The following SPTB variants were observed in gnomAD, a reference collection of about 807,000 sequenced individuals.
SPTB encodes spectrin beta, erythrocytic.
SPTB carries 45 observed loss-of-function variants against 256.2 expected under a neutral mutation model. The observed-to-expected ratio is 0.18, with a 90% CI of 0.14 to 0.23. The LOEUF is 0.23. Among genes scored for constraint, SPTB ranks in the 10% least tolerant of loss-of-function variants. The pLI, the probability that SPTB is intolerant of heterozygous loss-of-function variation, is 1.00. For missense variants in SPTB, 2,715 were observed against 3,040.4 expected (o/e 0.89, Z 2.52); for synonymous variants, 1,231 against 1,243.1 (o/e 0.99, Z 0.21).
At chr14:64,797,391 C>T (rs1245775218) in intron 10 of SPTB, among the ~76,000 whole-genome samples, 1 of 139,494 alleles carries the variant, frequency 7.2e-6, no homozygotes, top group Non-Finnish European at 1.5e-5. Context: ...CACTTGAGCC[C>T]AGGAGGACGA....
Position 64,859,233 on chromosome 14 carries a change from G to A in SPTB, c.-52+20559C>T, listed in dbSNP as rs116941579. On this transcript the variant is annotated intron_variant, in intron 1 of 35. Transcript: ENST00000644917. ...CGCACCACTACACTCTAGTCTGGGC[G>A]ACAGAGCGAGACTCCGTCTCAGAAG... Among the ~76,000 whole-genome samples the A allele has an allele frequency of 2.6e-3, 398 of 152,284 alleles. 11 individuals are homozygous for A. The East Asian group carries it at 0.062, about 24-fold the overall frequency.
chr14:64,808,342 C>T (rs149100562), intron 2 of SPTB, among the ~76,000 whole-genome samples: 6 of 152,144 alleles, frequency 3.9e-5, no homozygotes, highest in Non-Finnish European at 7.4e-5. Context: ...CTTTCCTTCC[C>T]GGGTTGTGGC....
chr14:64,804,269 C>G (rs1031238478), intron 3 of SPTB, among the ~76,000 whole-genome samples: 2 of 152,196 alleles, frequency 1.3e-5, no homozygotes, highest in Non-Finnish European at 2.9e-5. Flanking sequence ...AATTTCAATG[C>G]AGGGTGAGAG....
chr14:64,766,492 G>A, intron 32 of SPTB: 3 of 1,444,492 alleles, frequency 2.1e-6, no homozygotes, highest in Non-Finnish European at 2.7e-6. Flanking sequence ...TCACTGGGCT[G>A]GCCTGTTTCC....
chr14:64,799,672 A>G, intron 9 of SPTB, 75 bp downstream of exon 9: 1 of 1,568,932 alleles, frequency 6.4e-7, no homozygotes, highest in Non-Finnish European at 8.7e-7. Context: ...CATAAGGCCC[A>G]GAACCTGGCT....
At chr14:64,791,686 A>G (rs1419996956) in intron 15 of SPTB, 33 bp downstream of exon 15, 7 of 1,613,500 alleles carry the variant, frequency 4.3e-6, no homozygotes, top group East Asian at 2.2e-5. Flanking sequence ...TTGAGAGACA[A>G]TGCCCCCGCC....
At chr14:64,781,722 C>T (rs1380681596) in intron 20 of SPTB, among the ~76,000 whole-genome samples, 1 of 152,188 alleles carries the variant, frequency 6.6e-6, no homozygotes, top group Non-Finnish European at 1.5e-5. Flanking sequence ...TGGGTATACC[C>T]AGAGGAATAT....
At chr14:64,872,167 G>C (rs1882571519) in intron 1 of SPTB, among the ~76,000 whole-genome samples, 1 of 152,026 alleles carries the variant, frequency 6.6e-6, no homozygotes, top group Admixed American at 6.6e-5. Flanking sequence ...ATAGCCCATG[G>C]TACATTTGAT....
At chr14:64,850,525 C>G (rs2083767595) in intron 1 of SPTB, among the ~76,000 whole-genome samples, 1 of 152,174 alleles carries the variant, frequency 6.6e-6, no homozygotes, top group Non-Finnish European at 1.5e-5. Context: ...CCTCACAAAC[C>G]CTGGCTTCTT....
At chr14:64,752,253 G>A in intron 33 of SPTB, 1 of 1,346,714 alleles carries the variant, frequency 7.4e-7, no homozygotes, top group South Asian at 1.2e-5. Context: ...AACAGACTCT[G>A]TTTCCTCCTC....
rs958061781 is a variant in SPTB at position 64,824,961 on chromosome 14, G to T, written c.-51-1816C>A. On this transcript the variant is annotated intron_variant, in intron 1 of 35. Coordinates refer to ENST00000644917, the MANE Select transcript of SPTB (RefSeq NM_001355436.2). This position sits in a 1 kb window ranked among gnomAD's most constrained non-coding sequence, Gnocchi z 5.7. ...AAACCAAGGCCTGCTGCAGGAGGAGGCCTCCCCAGGGTCATCCGGTGGAAT... is the reference window on the plus strand; with the variant it reads ...AAACCAAGGCCTGCTGCAGGAGGAGTCCTCCCCAGGGTCATCCGGTGGAAT... 6.6e-6 allele frequency among the ~76,000 whole-genome samples: 1 copy of T among 152,120 alleles called. No homozygotes were observed. Among genetic ancestry groups the T allele is most frequent in the Non-Finnish European group, 1.5e-5 (1 of 68,018 alleles).
At chr14:64,753,152 G>A (rs148996582) in intron 33 of SPTB, among the ~76,000 whole-genome samples, 12 of 152,272 alleles carry the variant, frequency 7.9e-5, no homozygotes, top group Middle Eastern at 3.4e-3. Context: ...CTAACCTTTA[G>A]AGCTACCTAT....
chr14:64,780,033 T>G, intron 20 of SPTB, 102 bp from the exon 21 acceptor site: 1 of 1,005,248 alleles, frequency 9.9e-7, no homozygotes, highest in African/African-American at 1.6e-5. Flanking sequence ...AGGCCCAATT[T>G]GAGCTCAACT....
Position 64,764,406 on chromosome 14 carries a change from T to C in SPTB, c.6345+2320A>G, listed in dbSNP as rs538463373. Among the ~76,000 whole-genome samples the C allele has an allele frequency of 6.6e-6, 1 of 152,328 alleles. No homozygotes were observed. Among genetic ancestry groups the C allele is most frequent in the East Asian group, 1.9e-4 (1 of 5,174 alleles). ...AGCAGGAAATCTGTGCGTGAGGCCTTGGGTCTGTGTTCGTTTGAGTCACCA... is the reference window on the plus strand; with the variant it reads ...AGCAGGAAATCTGTGCGTGAGGCCTCGGGTCTGTGTTCGTTTGAGTCACCA... On this transcript the variant is annotated intron_variant, in intron 32 of 35. Transcript: ENST00000644917. This position sits in a 1 kb window ranked among gnomAD's most constrained non-coding sequence, Gnocchi z 4.2.
In SPTB at chr14:64,779,636, C is replaced by A. The variant is rs1477586866; in HGVS notation, c.4473+89G>T. 7 of 1,454,012 alleles carry A rather than the reference C, an allele frequency of 4.8e-6. No homozygotes were observed. In the East Asian group the frequency reaches 1.4e-4, roughly 28 times the overall value. 90.1% of individuals were successfully genotyped at this position (1,454,012 alleles called of 1,614,324 possible). On this transcript the variant is annotated intron_variant, in intron 21 of 35. Coordinates refer to ENST00000644917, the MANE Select transcript of SPTB (RefSeq NM_001355436.2). This position sits in a 1 kb window ranked among gnomAD's most constrained non-coding sequence, Gnocchi z 4.2. ...GGGTGAGGTGACCAGTCATCTACTG[C>A]CAAAAATTGCTCTGGGTGGCAGCCA...
chr14:64,810,750 G>C (rs1326881772), intron 2 of SPTB, among the ~76,000 whole-genome samples: 2 of 150,812 alleles, frequency 1.3e-5, no homozygotes, highest in African/African-American at 4.9e-5. Flanking sequence ...GTGTAGGGAA[G>C]GGCTTTCAAA....
chr14:64,761,805 G>A (rs919766106), intron 32 of SPTB, among the ~76,000 whole-genome samples: 1 of 152,142 alleles, frequency 6.6e-6, no homozygotes, highest in Admixed American at 6.5e-5. Context: ...CAGCCACTCA[G>A]CATTTGAAAG....
chr14:64,782,193 A>G (rs2139544364), intron 20 of SPTB, 97 bp downstream of exon 20: 4 of 1,568,422 alleles, frequency 2.6e-6, no homozygotes, highest in East Asian at 2.2e-5. Context: ...AAACCTTCAC[A>G]TGTACCCCCA....
At chr14:64,822,401 C>CACACAGAGCA (rs1555374137) in intron 2 of SPTB, among the ~76,000 whole-genome samples, 1 of 136,638 alleles carries the variant, frequency 7.3e-6, no homozygotes, top group Non-Finnish European at 1.6e-5. Context: ...CACACACACA[C>CACACAGAGCA]AGAGAGATCT....
Sources: allele counts gnomAD v4.1 joint callset (sites outside exome capture counted in the v4.1 genomes callset), GRCh38; gene constraint gnomAD v4.1.1; non-coding constraint Gnocchi (gnomAD v3.1); transcripts MANE v1.5; gene names NCBI Gene and HGNC (gene_info 2026-07-23, HGNC 2026-07-21).